Variants in MED13L observed in about 807,000 individuals in gnomAD.
MED13L encodes the protein mediator complex subunit 13L, also known as mediator of RNA polymerase II transcription subunit 13-like.
MED13L carries 7 observed loss-of-function variants against 220.9 expected under a neutral mutation model. The observed-to-expected ratio is 0.03, with a 90% CI of 0.02 to 0.06. MED13L has a LOEUF of 0.06. MED13L is among the 10% of genes least tolerant of loss of function. MED13L has a pLI of 1.00. For missense variants in MED13L, 1,965 were observed against 2,760.5 expected (o/e 0.71, Z 6.46); for synonymous variants, 1,011 against 1,015.2 (o/e 1.00, Z 0.08).
At chr12:116,146,520 C>T (rs965020029) in intron 2 of MED13L, among the ~76,000 whole-genome samples, 2 of 151,906 alleles carry the variant, frequency 1.3e-5, no homozygotes, top group African/African-American at 4.8e-5. Flanking sequence ...CTTCTTTCAG[C>T]ATGGCCTAGG....
At chr12:116,173,642 T>C (rs1036030623) in intron 2 of MED13L, among the ~76,000 whole-genome samples, 4 of 152,182 alleles carry the variant, frequency 2.6e-5, no homozygotes, top group African/African-American at 9.7e-5. Flanking sequence ...CTGCAATTCC[T>C]TTCCTCAACT....
chr12:116,044,999 G>C (rs1025828804), intron 4 of MED13L, among the ~76,000 whole-genome samples: 2 of 152,098 alleles, frequency 1.3e-5, no homozygotes, highest in Admixed American at 6.6e-5. Flanking sequence ...TGCAAAAAAG[G>C]GTATAGTAAG....
intron 15 of MED13L, 116 bp downstream of exon 15, chr12:115,996,894 G>A: frequency 3.3e-6 from 4 of 1,197,334 alleles, no homozygotes; most frequent in Non-Finnish European, 5.0e-6. Flanking sequence ...CTAATTAAAA[G>A]GATTCTTAGG....
At chr12:116,078,305 T>TGA (rs2137721289) in intron 4 of MED13L, among the ~76,000 whole-genome samples, 1 of 152,318 alleles carries the variant, frequency 6.6e-6, no homozygotes, top group East Asian at 1.9e-4. Context: ...TTTTAACACT[T>TGA]TATAATTCAT....
chr12:116,245,783 C>T (rs61937364), intron 1 of MED13L, among the ~76,000 whole-genome samples: 11,010 of 151,966 alleles, frequency 0.072, 441 homozygotes, highest in Middle Eastern at 0.11. Flanking sequence ...AATCCAAATA[C>T]GAGGAAGCTG....
In MED13L at chr12:116,245,244, C is replaced by T. The variant is rs554267164; in HGVS notation, c.73-7539G>A. Among the ~76,000 whole-genome samples the T allele has an allele frequency of 2.6e-5, 4 of 152,292 alleles. No individual in the cohort carries two copies. The South Asian group carries it at 8.3e-4, about 32-fold the overall frequency. On this transcript the variant is annotated intron_variant, in intron 1 of 30. Transcript: ENST00000281928. ...ACCCAGAAAACTAGCAGCCAGTCTT[C>T]ATCCCTCAGAAAGGAATTTGGAAAA...
chr12:115,979,232 G>A (rs1380149124), intron 23 of MED13L, among the ~76,000 whole-genome samples: 4 of 152,128 alleles, frequency 2.6e-5, no homozygotes, highest in Non-Finnish European at 5.9e-5. Flanking sequence ...GGAGAAAAAC[G>A]ATATTACTCG....
chr12:116,258,511 T>A (rs370369889), intron 1 of MED13L, among the ~76,000 whole-genome samples: 4 of 152,216 alleles, frequency 2.6e-5, no homozygotes, highest in Middle Eastern at 6.8e-3. Flanking sequence ...ACACGGTAGC[T>A]CACACCTGTA....
intron 2 of MED13L, among the ~76,000 whole-genome samples, chr12:116,142,746 A>G (rs991065787): frequency 6.6e-6 from 1 of 152,216 alleles, no homozygotes; most frequent in Non-Finnish European, 1.5e-5. Flanking sequence ...TCAAGTATGC[A>G]CAATTGATGT....
intron 2 of MED13L, among the ~76,000 whole-genome samples, chr12:116,202,096 A>C (rs1882040030): frequency 1.3e-5 from 2 of 152,230 alleles, no homozygotes; most frequent in Non-Finnish European, 2.9e-5. Context: ...GTTCAGCGTC[A>C]ATGGAATGAG....
intron 1 of MED13L, chr12:116,276,652 G>C (rs1018979697): frequency 1.2e-5 from 14 of 1,193,232 alleles, no homozygotes; most frequent in Non-Finnish European, 1.5e-5. Flanking sequence ...ATCCAACAAC[G>C]GGGGAAGAGG....
chr12:116,181,669 T>C (rs1290065615), intron 2 of MED13L, among the ~76,000 whole-genome samples: 1 of 152,032 alleles, frequency 6.6e-6, no homozygotes, highest in Non-Finnish European at 1.5e-5. Flanking sequence ...GCCCGGCTAA[T>C]TTTTTCTGTA....
intron 1 of MED13L, among the ~76,000 whole-genome samples, chr12:116,270,770 C>G (rs1054362048): frequency 1.3e-5 from 2 of 151,724 alleles, no homozygotes; most frequent in African/African-American, 2.4e-5. Context: ...CAGCCGGGCG[C>G]GGTGGCTCGA....
At chr12:116,080,958 AT>A (rs1157427927) in intron 4 of MED13L, among the ~76,000 whole-genome samples, 1 of 152,226 alleles carries the variant, frequency 6.6e-6, no homozygotes, top group Non-Finnish European at 1.5e-5. Flanking sequence ...CTAGGGCACT[AT>A]AAAAACAATA....
At chr12:116,102,699 TTTTC>T (rs1320893267) in intron 3 of MED13L, among the ~76,000 whole-genome samples, 22 of 91,042 alleles carry the variant, frequency 2.4e-4, no homozygotes, top group African/African-American at 7.8e-4. Context: ...TTCTTTTTCT[TTTTC>T]TTTTTTCTTT....
chr12:116,035,186 G>C (rs965528439), intron 4 of MED13L, among the ~76,000 whole-genome samples: 1 of 151,952 alleles, frequency 6.6e-6, no homozygotes, highest in Non-Finnish European at 1.5e-5. Flanking sequence ...CCTTCAAAAG[G>C]AACAAAAATA....
chr12:116,234,600 A>G (rs538920080), intron 2 of MED13L, among the ~76,000 whole-genome samples: 1 of 152,132 alleles, frequency 6.6e-6, no homozygotes, highest in Non-Finnish European at 1.5e-5. Context: ...AAAAAATGTT[A>G]CAAATAATGG....
intron 2 of MED13L, among the ~76,000 whole-genome samples, chr12:116,113,043 T>C (rs181332280): frequency 4.6e-5 from 7 of 152,332 alleles, no homozygotes; most frequent in Admixed American, 3.3e-4. Context: ...TTTAAACTTA[T>C]TGAGTCCTAG....
At chr12:116,242,259 G>A (rs1870731218) in intron 1 of MED13L, among the ~76,000 whole-genome samples, 1 of 152,000 alleles carries the variant, frequency 6.6e-6, no homozygotes, top group Admixed American at 6.6e-5. Flanking sequence ...TGGCCAGGCT[G>A]GGCTCGAACT....
Sources: allele counts gnomAD v4.1 joint callset (sites outside exome capture counted in the v4.1 genomes callset), GRCh38; gene constraint gnomAD v4.1.1; transcripts MANE v1.5; gene names NCBI Gene and HGNC (gene_info 2026-07-23, HGNC 2026-07-21).